Variants in SLC45A4 observed in about 807,000 individuals in gnomAD.
The protein encoded by SLC45A4 is polyamine-transporter SLC45A4.
A neutral mutation model predicts 63.7 loss-of-function variants in SLC45A4; 32 were observed. The observed-to-expected ratio is 0.50, with a 90% CI of 0.38 to 0.67. The LOEUF (loss-of-function observed/expected upper bound fraction) is 0.67. Ranked by LOEUF, SLC45A4 falls within the 30% of genes least tolerant of loss-of-function variation. The pLI is 0.00. For synonymous variants in SLC45A4, 535 were observed against 510.0 expected, an observed-to-expected ratio of 1.05 and a Z score of -0.66; for missense variants, 1,027 against 1,157.7, an observed-to-expected ratio of 0.89 and a Z score of 1.64.
At chr8:141,248,638 A>C (rs552192436) in intron 2 of SLC45A4, among the ~76,000 whole-genome samples, 3 of 152,280 alleles carry the variant, frequency 2.0e-5, no homozygotes, top group African/African-American at 7.2e-5. Context: ...GACCAAGGTA[A>C]GAGGATCACT....
chr8:141,254,389 C>T lies in SLC45A4; in HGVS notation c.-160G>A. ...CCTCTTTGCACAAGTGGCTATCTCA[C>T]AACTTCTCACAACGGTATGAGACAT... On this transcript the variant is annotated 5_prime_UTR_variant, in exon 2 of 9. It adds an upstream start codon to the 5' untranslated region. Coordinates refer to ENST00000517878, the MANE Select transcript of SLC45A4 (RefSeq NM_001286646.2). This position sits in a 1 kb window ranked among gnomAD's most constrained non-coding sequence, Gnocchi z 4.5. 2.5e-6 allele frequency: 2 copies of T among 790,254 alleles called. No homozygotes were observed. The highest frequency in any genetic ancestry group is 2.7e-5 in the Admixed American group (1 of 36,460). The allele number at this position is 790,254 out of a possible 1,614,324, so 49.0% of individuals were successfully genotyped here.
chr8:141,216,316 T>TTCTTCTCCTGATG (rs1826150700), intron 6 of SLC45A4, among the ~76,000 whole-genome samples: 1 of 152,210 alleles, frequency 6.6e-6, no homozygotes, highest in Admixed American at 6.5e-5. Context: ...CCAGGACGAT[T>TTCTTCTCCTGATG]TCTTCTCCTG....
chr8:141,259,267 G>A (rs1828948485), intron 1 of SLC45A4, among the ~76,000 whole-genome samples: 1 of 152,238 alleles, frequency 6.6e-6, no homozygotes, highest in South Asian at 2.1e-4. Flanking sequence ...AGCAGGCTGA[G>A]GGGCCAGCAA....
At chr8:141,276,323 T>G (rs552111471) in intron 1 of SLC45A4, among the ~76,000 whole-genome samples, 1 of 152,242 alleles carries the variant, frequency 6.6e-6, no homozygotes, top group Non-Finnish European at 1.5e-5. Flanking sequence ...TGTTTTAAGA[T>G]GACTTACTGA....
chr8:141,251,920 A>T (rs1828484824), intron 2 of SLC45A4, among the ~76,000 whole-genome samples: 1 of 149,664 alleles, frequency 6.7e-6, no homozygotes. Context: ...CCCCACACAC[A>T]ATCAAAGAAA....
intron 2 of SLC45A4, among the ~76,000 whole-genome samples, chr8:141,252,970 TCCGC>T (rs1828571227): frequency 1.3e-5 from 2 of 151,750 alleles, no homozygotes; most frequent in African/African-American, 2.4e-5. Flanking sequence ...CCTGTGCGTG[TCCGC>T]GAATTTCCGT....
intron 2 of SLC45A4, among the ~76,000 whole-genome samples, chr8:141,251,390 G>T (rs1359800727): frequency 6.6e-6 from 1 of 151,902 alleles, no homozygotes; most frequent in East Asian, 1.9e-4. Flanking sequence ...TTCCCACACT[G>T]GTCCAGCCCA....
chr8:141,258,309 A>G (rs1828898207), intron 1 of SLC45A4, among the ~76,000 whole-genome samples: 1 of 152,144 alleles, frequency 6.6e-6, no homozygotes, highest in Non-Finnish European at 1.5e-5. Flanking sequence ...TAAACTGTCC[A>G]GTCCTGACTT....
chr8:141,295,865 T>C (rs1830530105), intron 1 of SLC45A4, among the ~76,000 whole-genome samples: 1 of 152,154 alleles, frequency 6.6e-6, no homozygotes, highest in Non-Finnish European at 1.5e-5. Context: ...GCGGAGCTCA[T>C]CTCGTAAGGT....
At chr8:141,274,604 G>A (rs1829662940) in intron 1 of SLC45A4, among the ~76,000 whole-genome samples, 1 of 151,596 alleles carries the variant, frequency 6.6e-6, no homozygotes, top group East Asian at 1.9e-4. Flanking sequence ...TTGGCCTGGG[G>A]CTAGATTTAT....
chr8:141,284,977 G>A (rs775923081), intron 1 of SLC45A4, among the ~76,000 whole-genome samples: 6 of 146,122 alleles, frequency 4.1e-5, no homozygotes, highest in Admixed American at 6.9e-5. Context: ...CTGGGGCCTC[G>A]GCCCCCCAGC....
intron 1 of SLC45A4, among the ~76,000 whole-genome samples, chr8:141,275,149 C>T (rs1786656824): frequency 6.6e-6 from 1 of 152,176 alleles, no homozygotes; most frequent in Non-Finnish European, 1.5e-5. Context: ...CCCATAACCT[C>T]GTGGTCCCCC....
chr8:141,299,767 C>T (rs986251438), intron 1 of SLC45A4, among the ~76,000 whole-genome samples: 7 of 152,214 alleles, frequency 4.6e-5, no homozygotes, highest in Admixed American at 4.6e-4. Flanking sequence ...CTCTGCTGTA[C>T]CTGTTCTTCT....
At chr8:141,219,566 GACA>G (rs1826450478) in intron 4 of SLC45A4, 81 bp downstream of exon 4, 1 of 1,467,934 alleles carries the variant, frequency 6.8e-7, no homozygotes, top group Admixed American at 2.1e-5. Flanking sequence ...AGGCAGCGCT[GACA>G]ACACAGGCTC....
At chr8:141,307,802 GGT>G (rs1160917060) in intron 1 of SLC45A4, among the ~76,000 whole-genome samples, 1 of 146,358 alleles carries the variant, frequency 6.8e-6, no homozygotes, top group Non-Finnish European at 1.5e-5. Flanking sequence ...CGCGCCCCGG[GGT>G]GGGGGCCGGG....
intron 1 of SLC45A4, among the ~76,000 whole-genome samples, chr8:141,289,969 G>A (rs1830285568): frequency 6.6e-6 from 1 of 152,056 alleles, no homozygotes; most frequent in Non-Finnish European, 1.5e-5. Flanking sequence ...CCTCACCTCA[G>A]CAGGGAAAAT....
chr8:141,258,484 C>T (rs1014214631), intron 1 of SLC45A4, among the ~76,000 whole-genome samples: 4 of 152,194 alleles, frequency 2.6e-5, no homozygotes, highest in East Asian at 3.8e-4. Flanking sequence ...AGGCAACCAT[C>T]GGCCTCTCAC....
At chr8:141,236,749 A>G (rs1827644061) in intron 2 of SLC45A4, among the ~76,000 whole-genome samples, 1 of 152,222 alleles carries the variant, frequency 6.6e-6, no homozygotes, top group Non-Finnish European at 1.5e-5. Flanking sequence ...CCATAATTTA[A>G]CTTTATTTTG....
chr8:141,257,923 C>G (rs935211038), intron 1 of SLC45A4, among the ~76,000 whole-genome samples: 12 of 152,140 alleles, frequency 7.9e-5, no homozygotes, highest in African/African-American at 2.9e-4. Flanking sequence ...ATGCTTCACC[C>G]CTTGATTATT....
Sources: gnomAD v4.1 joint callset for allele counts (sites outside exome capture counted in the v4.1 genomes callset) on GRCh38, gnomAD v4.1.1 for gene constraint, Gnocchi (gnomAD v3.1) non-coding constraint, MANE v1.5 for transcripts, NCBI Gene and HGNC (gene_info 2026-07-23, HGNC 2026-07-21) for gene names.